IL31RA: variants seen among roughly 807,000 people sequenced by gnomAD.
IL31RA encodes the protein interleukin 31 receptor A.
In IL31RA, 66 loss-of-function variants were observed where a neutral mutation model predicts 83.7. That is an observed-to-expected ratio of 0.79 (90% CI 0.65 to 0.97). IL31RA has a LOEUF of 0.97. Among genes scored for constraint, IL31RA ranks in the 50% least tolerant of loss-of-function variants. The pLI, the probability that IL31RA is intolerant of heterozygous loss-of-function variation, is 0.00. For synonymous variants in IL31RA, 325 were observed against 329.0 expected (o/e 0.99, Z 0.13); for missense variants, 798 against 919.4 (o/e 0.87, Z 1.71).
intron 2 of IL31RA, among the ~76,000 whole-genome samples, chr5:55,865,503 C>T (rs1192221214): frequency 1.3e-5 from 2 of 152,154 alleles, no homozygotes; most frequent in Non-Finnish European, 2.9e-5. Flanking sequence ...AATGTATATA[C>T]AAACACACAC....
At chr5:55,844,308 C>T in the IL31RA span, among the ~76,000 whole-genome samples, 1 of 152,034 alleles carries the variant, frequency 6.6e-6, no homozygotes, top group Admixed American at 6.6e-5. Context: ...AATTTGTTGC[C>T]GGTAGACCTG....
At chr5:55,888,950 A>C (rs1471740517) in intron 5 of IL31RA, among the ~76,000 whole-genome samples, 1 of 152,212 alleles carries the variant, frequency 6.6e-6, no homozygotes, top group Non-Finnish European at 1.5e-5. Context: ...ACTAATTTTC[A>C]CAGCTGGGAC....
At chr5:55,846,573 C>A (rs556945488), upstream of IL31RA, among the ~76,000 whole-genome samples, 4 of 152,148 alleles carry the variant, frequency 2.6e-5, no homozygotes, top group South Asian at 6.2e-4. Context: ...CTGAGGTGGG[C>A]GGATCACGAG....
chr5:55,911,632 T>C (rs1312917241), intron 12 of IL31RA, among the ~76,000 whole-genome samples: 1 of 152,036 alleles, frequency 6.6e-6, no homozygotes, highest in Non-Finnish European at 1.5e-5. Context: ...AAGGGAGATA[T>C]TTAGAGGCAG....
At chr5:55,904,963 A>G (rs1255855255) in intron 8 of IL31RA, among the ~76,000 whole-genome samples, 2 of 151,142 alleles carry the variant, frequency 1.3e-5, no homozygotes, top group Non-Finnish European at 2.9e-5. Flanking sequence ...TGGGAGACCG[A>G]CTGAGCTGGG....
chr5:55,856,627 TTAG>T (rs1455195333), intron 1 of IL31RA, among the ~76,000 whole-genome samples: 1 of 152,158 alleles, frequency 6.6e-6, no homozygotes, highest in African/African-American at 2.4e-5. Flanking sequence ...TTCCGTTAAA[TTAG>T]TAATCAGAGA....
upstream of IL31RA, among the ~76,000 whole-genome samples, chr5:55,847,972 G>T (rs1433150587): frequency 6.6e-6 from 1 of 152,150 alleles, no homozygotes; most frequent in Non-Finnish European, 1.5e-5. Flanking sequence ...GACTGGGCTT[G>T]TGGGTTTTTG....
chr5:55,881,789 G>A (rs1038487846), intron 4 of IL31RA, among the ~76,000 whole-genome samples: 5 of 135,478 alleles, frequency 3.7e-5, no homozygotes, highest in African/African-American at 1.4e-4. Flanking sequence ...GTGTGGTGGT[G>A]CAATCTGCCA....
intron 2 of IL31RA, among the ~76,000 whole-genome samples, chr5:55,867,694 T>C (rs920027370): frequency 2.6e-5 from 4 of 152,106 alleles, no homozygotes; most frequent in Non-Finnish European, 5.9e-5. Context: ...GAAAAAGAGG[T>C]TTAATTAGAC....
At position 55,899,959 on chromosome 5, in the gene IL31RA, A is replaced by G. The variant is rs2112525572; in HGVS notation, c.896A>G (p.Asn299Ser). ...APVLEKTLGY[N>S]IWYYPESNTN... ...GTCCTAGAGAAAACACTTGGCTACA[A>G]CATATGGTACTATCCAGAAAGCAAC... Residue 299 changes from asparagine (N) to serine (S), a missense_variant, in exon 8 of 15, where the codon AAC becomes AGC. By Grantham distance (46) the Asn-to-Ser change is conservative. Coordinates refer to ENST00000652347, the MANE Select transcript of IL31RA (RefSeq NM_139017.7). 1.2e-6 allele frequency: 2 copies of G among 1,614,244 alleles called. No individual in the cohort carries two copies. Among genetic ancestry groups the G allele is most frequent in the Middle Eastern group, 3.3e-4 (2 of 6,062 alleles).
chr5:55,901,500 T>C (rs1000975349), intron 8 of IL31RA, among the ~76,000 whole-genome samples: 15 of 152,130 alleles, frequency 9.9e-5, no homozygotes, highest in African/African-American at 3.4e-4. Flanking sequence ...TATTATATAA[T>C]AATACCTACC....
At position 55,886,268 on chromosome 5, in the gene IL31RA, C is replaced by CTT. The variant is rs35481013; in HGVS notation, c.606+3095_606+3096dup. On this transcript the variant is annotated intron_variant, in intron 5 of 14. Transcript: ENST00000652347. ...GCTAGCTTGCTTGCTTGCTTGCTTG[C>CTT]TTTTTTTTTTTTTTTTTTTTTTTGA... 6.0e-3 allele frequency among the ~76,000 whole-genome samples: 427 copies of CTT among 71,458 alleles called. 1 individual carries two copies. Among genetic ancestry groups the CTT allele is most frequent in the East Asian group, 0.01 (29 of 2,806 alleles). 46.9% of individuals were successfully genotyped at this position (71,458 alleles called of 152,430 possible). A position where few individuals can be genotyped will look rare whatever the true frequency, so the allele number is the denominator to read the frequency against.
Position 55,851,636 on chromosome 5 carries a change from G to A in IL31RA, c.63+3G>A. ...TCTGTGAATGTCCGCAAAACATTGTGAGTATTGATTTGGGGGGTTACAAAT... is the reference window on the plus strand; with the variant it reads ...TCTGTGAATGTCCGCAAAACATTGTAAGTATTGATTTGGGGGGTTACAAAT... On this transcript the variant is annotated splice_donor_region_variant and intron_variant, in intron 1 of 14. Coordinates refer to ENST00000652347, the MANE Select transcript of IL31RA (RefSeq NM_139017.7). 1 of 1,613,876 alleles carries A rather than the reference G, an allele frequency of 6.2e-7. No homozygotes were observed. Among genetic ancestry groups the A allele is most frequent in the Non-Finnish European group, 8.5e-7 (1 of 1,179,804 alleles).
intron 1 of IL31RA, chr5:55,853,710 G>T: frequency 2.6e-6 from 2 of 777,906 alleles, no homozygotes; most frequent in South Asian, 4.1e-5. Context: ...ATAGTTAAGG[G>T]AATCTAATCT....
chr5:55,902,745 A>T (rs923378722), intron 8 of IL31RA, among the ~76,000 whole-genome samples: 3 of 152,256 alleles, frequency 2.0e-5, no homozygotes, highest in African/African-American at 7.2e-5. Flanking sequence ...TTTTGTAAGT[A>T]TAACTATCAT....
intron 14 of IL31RA, 27 bp from the exon 15 acceptor site, chr5:55,916,617 C>T (rs766841855): frequency 1.2e-6 from 2 of 1,601,994 alleles, no homozygotes; most frequent in East Asian, 2.2e-5. Context: ...TAAATGACCA[C>T]TTGGGATGTC....
At chr5:55,886,310 T>G (rs963810381) in intron 5 of IL31RA, among the ~76,000 whole-genome samples, 7 of 146,192 alleles carry the variant, frequency 4.8e-5, no homozygotes, top group African/African-American at 1.6e-4. Context: ...GTTTCACTCT[T>G]GTTGCCCAGG....
In IL31RA at chr5:55,920,619, GA is replaced by G. The variant is rs1460323888; in HGVS notation, c.*3505del. ...AACGTTTACTCTCTGACCCTTTGCA[GA>G]AAAAATTTGTGGACGCCTACCATAA... On this transcript the variant is annotated 3_prime_UTR_variant, in exon 15 of 15. Transcript: ENST00000652347. Among the ~76,000 whole-genome samples, 1 of 152,176 alleles carries G rather than the reference GA, an allele frequency of 6.6e-6. No homozygotes were observed. The highest frequency in any genetic ancestry group is 2.4e-5 in the African/African-American group (1 of 41,428).
chr5:55,914,859 T>A lies in IL31RA; in HGVS notation c.1749T>A (p.His583Gln). 1 of 1,612,842 alleles carries A rather than the reference T, an allele frequency of 6.2e-7. No homozygotes were observed. The highest frequency in any genetic ancestry group is 8.5e-7 in the Non-Finnish European group (1 of 1,178,726). Residue 583 changes from histidine to glutamine, a missense_variant, in exon 14 of 15, where the codon CAT (histidine) becomes CAA (glutamine). By Grantham distance (24) the His-to-Gln change is conservative. Transcript: ENST00000652347. The part of the protein sequence containing the change: ...YGLKKPNKLT[H>Q]LCWPTVPNPA... ...TCTCTCTCATTAGCAAATTGACTCA[T>A]CTGTGTTGGCCCACCGTTCCCAACC...
Sources: gnomAD v4.1 joint callset for allele counts (sites outside exome capture counted in the v4.1 genomes callset) on GRCh38, gnomAD v4.1.1 for gene constraint, MANE v1.5 for transcripts, NCBI Gene and HGNC (gene_info 2026-07-23, HGNC 2026-07-21) for gene names.